Variants in ACCSL observed in about 807,000 individuals in gnomAD.
The protein encoded by ACCSL is probable inactive 1-aminocyclopropane-1-carboxylate synthase-like protein 2.
A neutral mutation model predicts 61.7 loss-of-function variants in ACCSL; 55 were observed. That is an observed-to-expected ratio of 0.89 (90% CI 0.72 to 1.12). The LOEUF (loss-of-function observed/expected upper bound fraction) is 1.12, where lower values mean the gene tolerates loss of function less well. Among genes scored for constraint, ACCSL ranks in the 50% most tolerant of loss-of-function variants. ACCSL has a pLI of 0.00. For synonymous variants in ACCSL, 258 were observed against 264.3 expected (o/e 0.98, Z 0.23); for missense variants, 632 against 698.0 (o/e 0.91, Z 1.07).
the ACCSL span, among the ~76,000 whole-genome samples, chr11:43,975,284 C>A: frequency 1.3e-5 from 2 of 152,214 alleles, no homozygotes; most frequent in African/African-American, 4.8e-5. Context: ...TTTGATAATT[C>A]TAAGCCTCTC....
chr11:43,957,194 C>T, the ACCSL span, among the ~76,000 whole-genome samples: 1 of 152,100 alleles, frequency 6.6e-6, no homozygotes, highest in African/African-American at 2.4e-5. Context: ...GGTTGGGTTA[C>T]AGCTTGGCTT....
At chr11:43,974,461 T>C in the ACCSL span, among the ~76,000 whole-genome samples, 1 of 152,214 alleles carries the variant, frequency 6.6e-6, no homozygotes, top group Non-Finnish European at 1.5e-5. Context: ...TCTGAGATGA[T>C]CTAATCTTGA....
At chr11:43,970,217 A>G in the ACCSL span, among the ~76,000 whole-genome samples, 3 of 152,054 alleles carry the variant, frequency 2.0e-5, no homozygotes, top group Non-Finnish European at 2.9e-5. Context: ...AGTATTTTTT[A>G]TTTTTGGAAA....
At chr11:44,009,261 T>G in the ACCSL span, among the ~76,000 whole-genome samples, 2 of 152,096 alleles carry the variant, frequency 1.3e-5, no homozygotes, top group African/African-American at 4.8e-5. Flanking sequence ...GGTATCAGGG[T>G]TCCCAGGCCT....
chr11:43,933,033 C>T, the ACCSL span: 8 of 454,646 alleles, frequency 1.8e-5, no homozygotes, highest in Non-Finnish European at 3.1e-5. Flanking sequence ...GGGAAAACCT[C>T]TGACCCTCTT....
chr11:43,947,201 A>C, the ACCSL span: 4 of 152,184 alleles, frequency 2.6e-5, no homozygotes, highest in Non-Finnish European at 4.4e-5. Flanking sequence ...TTAAGCAAGC[A>C]GCTCTCCCGT....
chr11:44,033,846 T>A, the ACCSL span, among the ~76,000 whole-genome samples: 1 of 152,028 alleles, frequency 6.6e-6, no homozygotes, highest in South Asian at 2.1e-4. Context: ...TTATTCATAT[T>A]TGAAGAGGTA....
At chr11:44,011,825 A>G in the ACCSL span, among the ~76,000 whole-genome samples, 10 of 152,088 alleles carry the variant, frequency 6.6e-5, no homozygotes, top group Non-Finnish European at 1.2e-4. Context: ...TGAGAAGTTA[A>G]AAGAACATTC....
the ACCSL span, among the ~76,000 whole-genome samples, chr11:44,015,535 C>T: frequency 7.9e-5 from 12 of 152,124 alleles, no homozygotes; most frequent in African/African-American, 2.2e-4. Context: ...GACAAGACGC[C>T]GGCCCAAGAC....
chr11:43,926,127 C>T, the ACCSL span, among the ~76,000 whole-genome samples: 28 of 152,086 alleles, frequency 1.8e-4, 1 homozygote, highest in Non-Finnish European at 2.8e-4. Flanking sequence ...AAATTGTGTG[C>T]GAGTGGAGCT....
At chr11:44,051,293 A>C (rs769846235) in intron 3 of ACCSL, 42 bp from the exon 4 acceptor site, 1 of 1,607,898 alleles carries the variant, frequency 6.2e-7, no homozygotes, top group Non-Finnish European at 8.5e-7. Flanking sequence ...GAGTGAGGAA[A>C]GGGGCCCGGA....
the ACCSL span, among the ~76,000 whole-genome samples, chr11:43,932,291 A>AG: frequency 6.6e-6 from 1 of 152,090 alleles, no homozygotes; most frequent in Non-Finnish European, 1.5e-5. Flanking sequence ...TTTTTGAGAC[A>AG]GGGTCTCATT....
intron 5 of ACCSL, among the ~76,000 whole-genome samples, chr11:44,052,285 T>A (rs1443574089): frequency 6.6e-6 from 1 of 152,254 alleles, no homozygotes; most frequent in African/African-American, 2.4e-5. Context: ...TCCAAATAAC[T>A]GGAGCCCTCC....
chr11:44,022,752 T>A, the ACCSL span, among the ~76,000 whole-genome samples: 1 of 152,308 alleles, frequency 6.6e-6, no homozygotes, highest in East Asian at 1.9e-4. Flanking sequence ...AGTATTTTGT[T>A]GAGGATTTTT....
the ACCSL span, among the ~76,000 whole-genome samples, chr11:43,974,297 C>T: frequency 6.6e-6 from 1 of 152,138 alleles, no homozygotes; most frequent in African/African-American, 2.4e-5. Context: ...CACTCCACAC[C>T]TCTTTCCTAG....
the ACCSL span, among the ~76,000 whole-genome samples, chr11:43,997,898 G>A: frequency 6.6e-6 from 1 of 152,170 alleles, no homozygotes; most frequent in Admixed American, 6.5e-5. Context: ...AGCTTCTATG[G>A]GGGAAATAGA....
the ACCSL span, among the ~76,000 whole-genome samples, chr11:43,929,863 G>T: frequency 6.6e-6 from 1 of 152,148 alleles, no homozygotes; most frequent in African/African-American, 2.4e-5. Flanking sequence ...TGGGCTTTGG[G>T]CAGGTCTTAC....
At chr11:44,032,792 C>G in the ACCSL span, among the ~76,000 whole-genome samples, 1 of 152,180 alleles carries the variant, frequency 6.6e-6, no homozygotes, top group Non-Finnish European at 1.5e-5. Context: ...CTTTCAGAAT[C>G]AAGGAAAAGC....
chr11:44,042,498 T>G, the ACCSL span, among the ~76,000 whole-genome samples: 2 of 152,146 alleles, frequency 1.3e-5, no homozygotes, highest in Non-Finnish European at 2.9e-5. Flanking sequence ...ATTTTTATTT[T>G]TTTTTGTAGA....
Sources: gnomAD v4.1 joint callset for allele counts (sites outside exome capture counted in the v4.1 genomes callset) on GRCh38, gnomAD v4.1.1 for gene constraint, MANE v1.5 for transcripts, NCBI Gene and HGNC (gene_info 2026-07-23, HGNC 2026-07-21) for gene names.